HS6ST3: variants seen among roughly 807,000 people sequenced by gnomAD.
The protein encoded by HS6ST3 is heparan-sulfate 6-O-sulfotransferase 3.
HS6ST3 carries 12 observed loss-of-function variants against 36.7 expected under a neutral mutation model. The ratio of observed to expected loss-of-function variants is 0.33; its 90% CI spans 0.21 to 0.53. HS6ST3 has a LOEUF of 0.53. HS6ST3 is among the 20% of genes least tolerant of loss of function. The pLI is 0.95. For missense variants in HS6ST3, 584 were observed against 640.9 expected (o/e 0.91, Z 0.96); for synonymous variants, 240 against 257.5 (o/e 0.93, Z 0.65).
At chr13:96,690,541 C>T (rs659231) in intron 1 of HS6ST3, among the ~76,000 whole-genome samples, 149,824 of 152,100 alleles carry the variant, frequency 0.99, 73,829 homozygotes, top group Middle Eastern at 1. Flanking sequence ...AATCATCTCC[C>T]GGGCATGGAA....
chr13:96,221,017 G>C (rs1371811869), intron 1 of HS6ST3, among the ~76,000 whole-genome samples: 1 of 151,776 alleles, frequency 6.6e-6, no homozygotes, highest in Non-Finnish European at 1.5e-5. Flanking sequence ...TATACATTTG[G>C]GTCAAATGAA....
intron 1 of HS6ST3, among the ~76,000 whole-genome samples, chr13:96,418,822 C>T (rs563036832): frequency 2.6e-5 from 4 of 152,324 alleles, no homozygotes; most frequent in South Asian, 4.1e-4. Flanking sequence ...TCTTGCTTCT[C>T]GACTCTAACT....
intron 1 of HS6ST3, among the ~76,000 whole-genome samples, chr13:96,097,413 C>A (rs953104600): frequency 1.3e-5 from 2 of 152,008 alleles, no homozygotes; most frequent in African/African-American, 4.8e-5. Context: ...ACCGGCAAAT[C>A]CTAATGTGAT....
intron 1 of HS6ST3, among the ~76,000 whole-genome samples, chr13:96,214,366 C>G (rs1171007691): frequency 6.6e-6 from 1 of 152,168 alleles, no homozygotes; most frequent in Non-Finnish European, 1.5e-5. Context: ...CATCTCATCT[C>G]TGACCACTAC....
chr13:96,450,797 C>G (rs192124196), intron 1 of HS6ST3, among the ~76,000 whole-genome samples: 4 of 152,316 alleles, frequency 2.6e-5, no homozygotes, highest in Admixed American at 1.3e-4. Flanking sequence ...TGTAGCCTGT[C>G]ATAGAACATT....
intron 1 of HS6ST3, among the ~76,000 whole-genome samples, chr13:96,427,937 G>A (rs1446459227): frequency 6.6e-6 from 1 of 152,194 alleles, no homozygotes; most frequent in African/African-American, 2.4e-5. Flanking sequence ...TGGACAGATT[G>A]AGTTTAGGCA....
intron 1 of HS6ST3, among the ~76,000 whole-genome samples, chr13:96,407,065 C>G (rs1487024788): frequency 2.0e-5 from 3 of 152,144 alleles, no homozygotes; most frequent in Non-Finnish European, 4.4e-5. Context: ...AAAGTTATAT[C>G]ATTTTACGGG....
At chr13:96,743,637 C>T (rs1876494405) in intron 1 of HS6ST3, among the ~76,000 whole-genome samples, 1 of 151,984 alleles carries the variant, frequency 6.6e-6, no homozygotes, top group Admixed American at 6.6e-5. Flanking sequence ...AGCTCTGAGT[C>T]CTTGTGGTGT....
In HS6ST3 at chr13:96,617,740, T is replaced by C. The variant is rs12866108; in HGVS notation, c.708-214750T>C. ...AGCAGCAGTATCAATCAACATCACCTGGGAAATTCTCAAACCAACTAGAGC... is the reference window on the plus strand; with the variant it reads ...AGCAGCAGTATCAATCAACATCACCCGGGAAATTCTCAAACCAACTAGAGC... On this transcript the variant is annotated intron_variant, in intron 1 of 1. Coordinates refer to ENST00000376705, the MANE Select transcript of HS6ST3 (RefSeq NM_153456.4). 2.0e-3 allele frequency among the ~76,000 whole-genome samples: 308 copies of C among 152,294 alleles called. 1 individual carries two copies. Among genetic ancestry groups the C allele is most frequent in the Middle Eastern group, 6.8e-3 (2 of 294 alleles).
At chr13:96,310,611 GCCTCCCTCCCTATCTC>G (rs1348397344) in intron 1 of HS6ST3, among the ~76,000 whole-genome samples, 7 of 134,744 alleles carry the variant, frequency 5.2e-5, no homozygotes, top group Non-Finnish European at 9.5e-5. Context: ...CTCCCTCCCT[GCCTCCCTCCCTATCTC>G]CCTCCCTCCC....
At chr13:96,483,175 A>G (rs1383509455) in intron 1 of HS6ST3, among the ~76,000 whole-genome samples, 3 of 152,186 alleles carry the variant, frequency 2.0e-5, no homozygotes, top group African/African-American at 7.2e-5. Flanking sequence ...TGATGAATGC[A>G]TTTAACTGTG....
chr13:96,559,078 CT>C (rs2056251893), intron 1 of HS6ST3, among the ~76,000 whole-genome samples: 1 of 23,390 alleles, frequency 4.3e-5, no homozygotes, highest in Non-Finnish European at 9.7e-5. Context: ...TATAATCTAT[CT>C]ATCTATCTAT....
chr13:96,353,756 A>T (rs757396078), intron 1 of HS6ST3, among the ~76,000 whole-genome samples: 2 of 152,226 alleles, frequency 1.3e-5, no homozygotes, highest in Admixed American at 6.5e-5. Context: ...TTTTAAAATC[A>T]TAAAGAAAAG....
At chr13:96,791,472 C>T (rs1422855805) in intron 1 of HS6ST3, among the ~76,000 whole-genome samples, 1 of 151,902 alleles carries the variant, frequency 6.6e-6, no homozygotes. Context: ...CCTCAGAATC[C>T]TCCTAAACAC....
At chr13:96,817,277 T>G (rs1244233553) in intron 1 of HS6ST3, among the ~76,000 whole-genome samples, 1 of 152,172 alleles carries the variant, frequency 6.6e-6, no homozygotes, top group Non-Finnish European at 1.5e-5. Context: ...AGTTTTAACC[T>G]TTGGTGAAAT....
At chr13:96,199,159 C>A (rs1209647937) in intron 1 of HS6ST3, among the ~76,000 whole-genome samples, 1 of 152,130 alleles carries the variant, frequency 6.6e-6, no homozygotes, top group Non-Finnish European at 1.5e-5. Flanking sequence ...CCTCCTAGAT[C>A]CCTCCCACAA....
At chr13:96,204,861 A>G (rs934582314) in intron 1 of HS6ST3, among the ~76,000 whole-genome samples, 1 of 152,232 alleles carries the variant, frequency 6.6e-6, no homozygotes, top group East Asian at 1.9e-4. Flanking sequence ...AGAGAAATTT[A>G]TAGCATTGAA....
chr13:96,300,026 A>G (rs2054873786), intron 1 of HS6ST3, among the ~76,000 whole-genome samples: 1 of 150,412 alleles, frequency 6.6e-6, no homozygotes. Flanking sequence ...CAGGAGAGAA[A>G]GCGAAGGGAA....
At chr13:96,533,256 T>G (rs1021679223) in intron 1 of HS6ST3, among the ~76,000 whole-genome samples, 1 of 152,158 alleles carries the variant, frequency 6.6e-6, no homozygotes, top group African/African-American at 2.4e-5. Flanking sequence ...GATGAGTTAT[T>G]TGGACCCTCC....
Sources: gnomAD v4.1 joint callset for allele counts (sites outside exome capture counted in the v4.1 genomes callset) on GRCh38, gnomAD v4.1.1 for gene constraint, MANE v1.5 for transcripts, NCBI Gene and HGNC (gene_info 2026-07-23, HGNC 2026-07-21) for gene names.